CHRNA7: variants seen among roughly 807,000 people sequenced by gnomAD.
CHRNA7 encodes the protein neuronal acetylcholine receptor subunit alpha-7.
Under a neutral mutation model 48.0 loss-of-function variants are expected in CHRNA7, and 17 were observed. The observed-to-expected ratio is 0.35, with a 90% CI of 0.24 to 0.53. CHRNA7 has a LOEUF of 0.53. Among genes scored for constraint, CHRNA7 ranks in the 20% least tolerant of loss-of-function variants. The probability of loss-of-function intolerance (pLI) is 0.92; values close to 1 mark genes in which losing one functional copy is unlikely to be tolerated. For synonymous variants in CHRNA7, 75 were observed against 242.3 expected, an observed-to-expected ratio of 0.31 and a Z score of 6.41; for missense variants, 155 against 577.7, an observed-to-expected ratio of 0.27 and a Z score of 7.50.
intron 9 of CHRNA7, chr15:32,166,654 C>A (rs2052170508): frequency 6.7e-6 from 1 of 149,750 alleles, no homozygotes; most frequent in Non-Finnish European, 1.5e-5. Flanking sequence ...TCCCCAAAAT[C>A]ATAAAACAAA....
At chr15:32,065,646 T>G (rs943709717) in intron 2 of CHRNA7, among the ~76,000 whole-genome samples, 4 of 152,270 alleles carry the variant, frequency 2.6e-5, no homozygotes, top group Non-Finnish European at 4.4e-5. Flanking sequence ...GGCCTTAGAC[T>G]CTCACCTCTG....
chr15:32,118,305 A>T (rs979704757), intron 4 of CHRNA7, among the ~76,000 whole-genome samples: 4 of 152,178 alleles, frequency 2.6e-5, no homozygotes, highest in Admixed American at 1.3e-4. Context: ...TTTCTTTATA[A>T]ATTACCCAGT....
At chr15:32,136,800 G>A (rs1465948874) in intron 4 of CHRNA7, among the ~76,000 whole-genome samples, 1 of 151,852 alleles carries the variant, frequency 6.6e-6, no homozygotes, top group Non-Finnish European at 1.5e-5. Context: ...GGGAGGCCGG[G>A]GCGGGCGGAT....
chr15:32,036,455 G>A (rs1194028895), intron 2 of CHRNA7, among the ~76,000 whole-genome samples: 1 of 152,146 alleles, frequency 6.6e-6, no homozygotes, highest in Non-Finnish European at 1.5e-5. Context: ...ACCAACGAGG[G>A]CACTTGCTGG....
At chr15:32,036,847 T>C (rs1902115138) in intron 2 of CHRNA7, among the ~76,000 whole-genome samples, 1 of 151,978 alleles carries the variant, frequency 6.6e-6, no homozygotes, top group Non-Finnish European at 1.5e-5. Context: ...TTATCAGGTA[T>C]GTCTTTTGCA....
At chr15:32,145,559 G>C (rs530526984) in intron 4 of CHRNA7, among the ~76,000 whole-genome samples, 1 of 152,194 alleles carries the variant, frequency 6.6e-6, no homozygotes, top group East Asian at 1.9e-4. Context: ...GCCTTGCTGA[G>C]CTGTGGTGGG....
intron 2 of CHRNA7, among the ~76,000 whole-genome samples, chr15:32,042,421 G>T (rs183523601): frequency 1.9e-4 from 29 of 152,278 alleles, no homozygotes; most frequent in Admixed American, 1.3e-4. Flanking sequence ...ACATTTCCAA[G>T]TGGTTTCTTT....
chr15:32,065,764 A>G (rs543595145), intron 2 of CHRNA7, among the ~76,000 whole-genome samples: 222 of 150,446 alleles, frequency 1.5e-3, no homozygotes, highest in African/African-American at 5.0e-3. Flanking sequence ...AGCCCACTGC[A>G]AACACTGGGG....
chr15:32,079,391 A>G (rs188842956), intron 2 of CHRNA7, among the ~76,000 whole-genome samples: 184 of 152,324 alleles, frequency 1.2e-3, no homozygotes, highest in African/African-American at 4.3e-3. Context: ...ATGATCCTAT[A>G]TCTAGAAAAC....
chr15:32,049,408 C>T (rs1256763261), intron 2 of CHRNA7, among the ~76,000 whole-genome samples: 1 of 152,106 alleles, frequency 6.6e-6, no homozygotes, highest in East Asian at 1.9e-4. Context: ...TAATGGCCTT[C>T]TTTGTCTCTT....
intron 5 of CHRNA7, among the ~76,000 whole-genome samples, chr15:32,154,752 G>T: frequency 7.3e-6 from 1 of 137,078 alleles, no homozygotes; most frequent in Non-Finnish European, 1.5e-5. Flanking sequence ...GAGGCAACCT[G>T]CAATTACCTC....
chr15:32,044,462 G>A lies in CHRNA7; in HGVS notation c.195+13425G>A, dbSNP rs1178733953. Among the ~76,000 whole-genome samples the A allele has an allele frequency of 2.6e-5, 4 of 152,264 alleles. No homozygotes were observed. The East Asian group carries it at 7.7e-4, about 29-fold the overall frequency. On this transcript the variant is annotated intron_variant, in intron 2 of 9. Coordinates refer to ENST00000306901, the MANE Select transcript of CHRNA7 (RefSeq NM_000746.6). ...CTGGCTAATTTTTGTATTTTTAGTA[G>A]AGACAGGTTTTCACCATATTGGCCA... is the stretch of plus-strand genomic sequence containing the variant.
chr15:32,110,651 A>G (rs2050748010), intron 3 of CHRNA7, among the ~76,000 whole-genome samples: 1 of 152,188 alleles, frequency 6.6e-6, no homozygotes, highest in African/African-American at 2.4e-5. Context: ...CTCATCTGCA[A>G]TTCCCAAATC....
chr15:32,094,090 G>A (rs756664611), intron 2 of CHRNA7, among the ~76,000 whole-genome samples: 5 of 152,102 alleles, frequency 3.3e-5, no homozygotes, highest in South Asian at 2.1e-4. Flanking sequence ...TAACGGTACC[G>A]TCAGAAATAA....
At chr15:32,153,162 T>C (rs1488971428) in intron 4 of CHRNA7, among the ~76,000 whole-genome samples, 1 of 152,114 alleles carries the variant, frequency 6.6e-6, no homozygotes, top group Non-Finnish European at 1.5e-5. Flanking sequence ...GGCTCACGCC[T>C]ATAATCCCAG....
intron 2 of CHRNA7, among the ~76,000 whole-genome samples, chr15:32,035,832 A>G (rs1902056851): frequency 6.6e-6 from 1 of 152,172 alleles, no homozygotes; most frequent in African/African-American, 2.4e-5. Context: ...AATGAAGAAG[A>G]AGGTACAGAG....
chr15:32,130,981 T>C (rs2051145290), intron 4 of CHRNA7, among the ~76,000 whole-genome samples: 1 of 152,160 alleles, frequency 6.6e-6, no homozygotes, highest in Non-Finnish European at 1.5e-5. Context: ...TCGGAAACTG[T>C]CATACCACCT....
intron 2 of CHRNA7, chr15:32,099,292 C>T (rs2050529460): frequency 1.3e-5 from 2 of 152,256 alleles, no homozygotes; most frequent in African/African-American, 2.4e-5. Context: ...GTGGCCCGGA[C>T]AGGTGCCAAG....
At chr15:32,066,883 A>G (rs939172197) in intron 2 of CHRNA7, among the ~76,000 whole-genome samples, 5 of 152,172 alleles carry the variant, frequency 3.3e-5, no homozygotes, top group African/African-American at 7.2e-5. Context: ...AAAAATTCCA[A>G]TAATGAAAAT....
Sources: gnomAD v4.1 joint callset for allele counts (sites outside exome capture counted in the v4.1 genomes callset) on GRCh38, gnomAD v4.1.1 for gene constraint, MANE v1.5 for transcripts, NCBI Gene and HGNC (gene_info 2026-07-23, HGNC 2026-07-21) for gene names.